The following ATG14 variants were observed in gnomAD, a reference collection of about 807,000 sequenced individuals.
ATG14 encodes the protein autophagy related 14.
In ATG14, 35 loss-of-function variants were observed where a neutral mutation model predicts 60.4. That is an observed-to-expected ratio of 0.58 (90% CI 0.44 to 0.77). The LOEUF (loss-of-function observed/expected upper bound fraction) is 0.77. Among genes scored for constraint, ATG14 ranks in the 30% least tolerant of loss-of-function variants. ATG14 has a pLI of 0.00. For synonymous variants in ATG14, 234 were observed against 228.8 expected (o/e 1.02, Z -0.21); for missense variants, 647 against 626.3 (o/e 1.03, Z -0.35).
chr14:55,380,782 A>AT, intron 6 of ATG14, 92 bp from the exon 7 acceptor site: 1 of 798,702 alleles, frequency 1.3e-6, no homozygotes, highest in South Asian at 2.1e-5. Flanking sequence ...TTTTATCATG[A>AT]TAGCACTGTT....
chr14:55,371,531 G>A (rs1473770748), intron 9 of ATG14, among the ~76,000 whole-genome samples: 1 of 152,200 alleles, frequency 6.6e-6, no homozygotes, highest in Non-Finnish European at 1.5e-5. Flanking sequence ...CTCAGGCCGG[G>A]CGCGGTGGCT....
intron 5 of ATG14, among the ~76,000 whole-genome samples, chr14:55,385,503 G>T (rs1180175315): frequency 6.6e-6 from 1 of 152,222 alleles, no homozygotes; most frequent in African/African-American, 2.4e-5. Context: ...ATGTTGGCCA[G>T]GTTGGTCTCA....
At chr14:55,407,630 T>C (rs1411062278) in intron 1 of ATG14, among the ~76,000 whole-genome samples, 1 of 151,508 alleles carries the variant, frequency 6.6e-6, no homozygotes, top group Non-Finnish European at 1.5e-5. Context: ...TAAGTTCTGC[T>C]ACCTGCTGCT....
At chr14:55,394,560 A>T (rs1437918841) in intron 3 of ATG14, among the ~76,000 whole-genome samples, 1 of 152,188 alleles carries the variant, frequency 6.6e-6, no homozygotes, top group Admixed American at 6.5e-5. Context: ...ACTGAATAGC[A>T]TGTACACTAC....
At chr14:55,373,563 G>C (rs1040359479) in intron 9 of ATG14, among the ~76,000 whole-genome samples, 4 of 152,022 alleles carry the variant, frequency 2.6e-5, no homozygotes, top group African/African-American at 4.8e-5. Context: ...GGGTTCAAGC[G>C]ATTCTCCTGC....
chr14:55,407,908 G>A (rs752977686), intron 1 of ATG14, among the ~76,000 whole-genome samples: 3 of 152,110 alleles, frequency 2.0e-5, no homozygotes, highest in Non-Finnish European at 4.4e-5. Flanking sequence ...GAGGAAAAGT[G>A]TTCCAGGCAG....
intron 1 of ATG14, among the ~76,000 whole-genome samples, chr14:55,407,222 G>A (rs751180670): frequency 2.6e-5 from 4 of 152,224 alleles, no homozygotes; most frequent in Admixed American, 6.5e-5. Flanking sequence ...TCCGCCTCCC[G>A]GGTTCAGGCA....
chr14:55,380,604 C>A lies in ATG14; in HGVS notation c.964G>T (p.Asp322Tyr), dbSNP rs1043530889. ...QLVNILSHIL[D>Y]VNLPKKLCNS... The stretch of plus-strand genomic sequence containing the variant: ...CAGAGCTTTTTGGGAAGATTTACAT[C>A]AAGTATATGAGACAGAATGTTGACC... Residue 322 changes from aspartate (D) to tyrosine (Y), a missense_variant, in exon 7 of 10, where the codon GAT (aspartate) becomes TAT (tyrosine). By Grantham distance (160) the Asp-to-Tyr change is radical (BLOSUM62 -3). Transcript: ENST00000247178. 3 of 1,612,182 alleles carry A rather than the reference C, an allele frequency of 1.9e-6. No individual in the cohort carries two copies. Among genetic ancestry groups the A allele is most frequent in the Non-Finnish European group, 2.5e-6 (3 of 1,179,130 alleles).
chr14:55,387,092 C>A (rs79816457), intron 4 of ATG14, among the ~76,000 whole-genome samples: 8,841 of 152,130 alleles, frequency 0.058, 327 homozygotes, highest in South Asian at 0.089. Flanking sequence ...CTGCCTATCT[C>A]CAACACGGCT....
In ATG14 at chr14:55,368,192, G is replaced by C. The variant is rs192156454; in HGVS notation, c.*1427C>G. 3 of 152,532 alleles carry C rather than the reference G, an allele frequency of 2.0e-5. No homozygotes were observed. The highest frequency in any genetic ancestry group is 4.4e-5 in the Non-Finnish European group (3 of 68,032). 9.4% of individuals were successfully genotyped at this position (152,532 alleles called of 1,614,324 possible). ...TGTCACTAAAAGAATGACAAGACAC[G>C]TGAGCTGAAAATGATCTCCTGCTGA... is the stretch of plus-strand genomic sequence containing the variant. On this transcript the variant is annotated 3_prime_UTR_variant, in exon 10 of 10. Coordinates refer to ENST00000247178, the MANE Select transcript of ATG14 (RefSeq NM_014924.5).
rs1339467055 is a variant in ATG14, at chr14:55,368,452, T to G, written c.*1167A>C. The G allele has an allele frequency of 6.6e-6, 1 of 152,284 alleles. No homozygotes were observed. The highest frequency in any genetic ancestry group is 1.5e-5 in the Non-Finnish European group (1 of 68,102). 9.4% of individuals were successfully genotyped at this position (152,284 alleles called of 1,614,324 possible). On this transcript the variant is annotated 3_prime_UTR_variant, in exon 10 of 10. Coordinates refer to ENST00000247178, the MANE Select transcript of ATG14 (RefSeq NM_014924.5). ...CCAGGCTGCTCTCAAACTCCTGACC[T>G]CAAGTGATCCGCCTGCCTCGGCCTC...
chr14:55,393,788 A>C (rs1245904560), intron 3 of ATG14, among the ~76,000 whole-genome samples: 3 of 151,916 alleles, frequency 2.0e-5, no homozygotes, highest in Non-Finnish European at 2.9e-5. Flanking sequence ...CCTGGGCTTG[A>C]GCAATCCACC....
In ATG14 at chr14:55,380,685, C is replaced by A; in HGVS notation, c.883G>T (p.Glu295Ter). Residue 295 changes from glutamate (E) to a stop codon, truncating the protein, a stop_gained, in exon 7 of 10, where the codon GAG (glutamate) becomes TAG (stop). Coordinates refer to ENST00000247178, the MANE Select transcript of ATG14 (RefSeq NM_014924.5). LOFTEE classifies it high-confidence loss of function. ...ATGGTGTAGGCAGGGTTACTCTGCT[C>A]CATGTCTGCAGTAAGAAAACAACCA... ...EKKTTQGPDM[E>*]QSNPAYTISA... 6.3e-7 allele frequency: 1 copy of A among 1,595,166 alleles called. No homozygotes were observed. The highest frequency in any genetic ancestry group is 1.1e-5 in the South Asian group (1 of 87,084).
intron 4 of ATG14, among the ~76,000 whole-genome samples, chr14:55,389,498 G>A (rs1885178725): frequency 6.6e-6 from 1 of 152,152 alleles, no homozygotes; most frequent in South Asian, 2.1e-4. Flanking sequence ...TGTTTTCAAT[G>A]GAAGCTTTAC....
At chr14:55,400,342 G>GA (rs1417518269) in intron 1 of ATG14, among the ~76,000 whole-genome samples, 3 of 152,226 alleles carry the variant, frequency 2.0e-5, no homozygotes, top group Admixed American at 2.0e-4. Flanking sequence ...TGTGTAGGGG[G>GA]ATCCATATTT....
At position 55,402,934 on chromosome 14, in the gene ATG14, T is replaced by A. The variant is rs1263078584; in HGVS notation, c.222-5500A>T. On this transcript the variant is annotated intron_variant, in intron 1 of 9. Transcript: ENST00000247178. ...AAAAAAAAAAAAAAAAAAATATATA[T>A]ATATATATATATATATATATATATA... Among the ~76,000 whole-genome samples, 45 of 23,524 alleles carry A rather than the reference T, an allele frequency of 1.9e-3. 1 individual carries two copies. Among genetic ancestry groups the A allele is most frequent in the East Asian group, 3.5e-3 (3 of 864 alleles). The allele number at this position is 23,524 out of a possible 152,430, so 15.4% of individuals were successfully genotyped here. A position where few individuals can be genotyped will look rare whatever the true frequency, so the allele number is the denominator to read the frequency against.
At chr14:55,391,735 A>G (rs1454394282) in intron 3 of ATG14, among the ~76,000 whole-genome samples, 2 of 152,220 alleles carry the variant, frequency 1.3e-5, no homozygotes, top group Non-Finnish European at 2.9e-5. Context: ...GCGCAGATAC[A>G]GAACTCAAGC....
chr14:55,369,041 G>C lies in ATG14; in HGVS notation c.*578C>G, dbSNP rs1479267256. 2 of 133,298 alleles carry C rather than the reference G, an allele frequency of 1.5e-5. No individual in the cohort carries two copies. Among genetic ancestry groups the C allele is most frequent in the Non-Finnish European group, 3.5e-5 (2 of 57,566 alleles). The allele number at this position is 133,298 out of a possible 1,614,324, so 8.3% of individuals were successfully genotyped here. ...CAGGAATGTCTGACAAACTACGACA[G>C]AGCAGCATGAATAAAATACGTGTAA... On this transcript the variant is annotated 3_prime_UTR_variant, in exon 10 of 10. Coordinates refer to ENST00000247178, the MANE Select transcript of ATG14 (RefSeq NM_014924.5).
At chr14:55,379,593 A>G (rs941579564) in intron 7 of ATG14, among the ~76,000 whole-genome samples, 8 of 152,040 alleles carry the variant, frequency 5.3e-5, no homozygotes, top group African/African-American at 1.9e-4. Flanking sequence ...AATTAAAAAG[A>G]ATAAGAATTT....
Sources: gnomAD v4.1 joint callset for allele counts (sites outside exome capture counted in the v4.1 genomes callset) on GRCh38, gnomAD v4.1.1 for gene constraint, MANE v1.5 for transcripts, NCBI Gene and HGNC (gene_info 2026-07-23, HGNC 2026-07-21) for gene names.